The following MIR17HG variants were observed in gnomAD, a reference collection of about 807,000 sequenced individuals.
MIR17HG encodes the protein MIR17 host gene (non-protein coding).
At chr13:91,348,586 C>T (rs1242905471) in intron 1 of MIR17HG, among the ~76,000 whole-genome samples, 1 of 151,144 alleles carries the variant, frequency 6.6e-6, no homozygotes, top group Non-Finnish European at 1.5e-5. Context: ...GGCGCCACCC[C>T]CGCTCCGCGT....
At chr13:91,349,016 G>A (rs1444542861) in intron 1 of MIR17HG, among the ~76,000 whole-genome samples, 6 of 150,978 alleles carry the variant, frequency 4.0e-5, no homozygotes, top group Non-Finnish European at 7.4e-5. Flanking sequence ...GGCTGCCGCC[G>A]GGAAACGGGT....
chr13:91,354,558 A>G (rs1475170472), exon 4 of MIR17HG: 2 of 152,198 alleles, frequency 1.3e-5, no homozygotes, highest in Non-Finnish European at 2.9e-5. Context: ...GAGAATATTG[A>G]AATAAAAACT....
intron 2 of MIR17HG, chr13:91,349,958 G>GT (rs1298799842): frequency 6.6e-6 from 1 of 152,222 alleles, no homozygotes; most frequent in Admixed American, 6.5e-5. Flanking sequence ...AAATTACAGT[G>GT]TAAATATTCC....
chr13:91,348,114 G>A (rs936970388), intron 1 of MIR17HG, among the ~76,000 whole-genome samples: 3 of 144,704 alleles, frequency 2.1e-5, no homozygotes, highest in Non-Finnish European at 4.6e-5. Flanking sequence ...CCGCCCCGGC[G>A]TGTGGCAGCC....
At chr13:91,351,085 G>A (rs1472771133) in intron 3 of MIR17HG, 1 of 523,986 alleles carries the variant, frequency 1.9e-6, no homozygotes. Context: ...AGTGCTTATA[G>A]TGCAGGTAGT....
intron 3 of MIR17HG, chr13:91,351,821 T>C (rs1875330037): frequency 1.2e-5 from 2 of 160,540 alleles, no homozygotes; most frequent in South Asian, 3.4e-4. Flanking sequence ...AAAGATGAGT[T>C]TTTTTAAGCA....
intron 3 of MIR17HG, chr13:91,350,822 T>C (rs1875270710): frequency 1.9e-6 from 1 of 534,702 alleles, no homozygotes; most frequent in African/African-American, 1.9e-5. Flanking sequence ...CCTTCTGGCA[T>C]AAGAAGTTAT....
chr13:91,351,599 T>C, intron 3 of MIR17HG: 1 of 319,106 alleles, frequency 3.1e-6, no homozygotes, highest in Non-Finnish European at 6.4e-6. Flanking sequence ...TTTTTTGTTG[T>C]TAGATTTATT....
At position 91,353,286 on chromosome 13, in the gene MIR17HG, A is replaced by G. The variant is rs565334464; in HGVS notation, n.285-647A>G. Reference sequence around the variant, plus strand: ...CTAAAATGTAAGTCAAATATGTTTTAATAACAAAGACTTAAATGGCTTTTC... The same window carrying G: ...CTAAAATGTAAGTCAAATATGTTTTGATAACAAAGACTTAAATGGCTTTTC... On this transcript the variant is annotated intron_variant and non_coding_transcript_variant, in intron 3 of 3. Transcript: ENST00000400282. 5.0e-4 allele frequency among the ~76,000 whole-genome samples: 76 copies of G among 152,320 alleles called. 1 individual carries two copies. In the Middle Eastern group the frequency reaches 0.01, roughly 20 times the overall value.
chr13:91,351,041 GGTCTATCT>G (rs1875287471), intron 3 of MIR17HG: 1 of 526,634 alleles, frequency 1.9e-6, no homozygotes, highest in Non-Finnish European at 3.9e-6. Flanking sequence ...GAATCTGCCT[GGTCTATCT>G]GATGTGACAG....
chr13:91,350,452 ATAAT>A, intron 3 of MIR17HG: 4 of 383,768 alleles, frequency 1.0e-5, no homozygotes, highest in South Asian at 2.0e-5. Flanking sequence ...TATCTTTGAG[ATAAT>A]TAAACTAATT....
intron 3 of MIR17HG, chr13:91,350,579 C>G (rs755630848): frequency 1.9e-6 from 1 of 533,648 alleles, no homozygotes; most frequent in South Asian, 1.4e-5. Context: ...GAGAACATCA[C>G]CTTGTAAAAC....
intron 3 of MIR17HG, chr13:91,351,239 T>C (rs759942548): frequency 7.7e-5 from 41 of 530,834 alleles, no homozygotes; most frequent in Non-Finnish European, 3.9e-5. Context: ...CTGTGTGATA[T>C]TCTGCTGTGC....
At chr13:91,351,441 C>T (rs190933807) in intron 3 of MIR17HG, 14 of 498,296 alleles carry the variant, frequency 2.8e-5, no homozygotes, top group East Asian at 1.7e-4. Context: ...CTGAAGATTT[C>T]GACTTCCACT....
chr13:91,352,428 T>A (rs1165609907), intron 3 of MIR17HG: 1 of 152,132 alleles, frequency 6.6e-6, no homozygotes, highest in East Asian at 1.9e-4. Flanking sequence ...GAAAGATAAG[T>A]TTTGAGAAAT....
chr13:91,350,272 C>T (rs867100290), intron 3 of MIR17HG: 6 of 195,454 alleles, frequency 3.1e-5, no homozygotes, highest in Admixed American at 1.6e-4. Context: ...AATTAGTTCT[C>T]ATTTATTTGC....
At chr13:91,348,932 T>TG (rs1209264663) in intron 1 of MIR17HG, among the ~76,000 whole-genome samples, 2 of 146,776 alleles carry the variant, frequency 1.4e-5, no homozygotes, top group African/African-American at 2.5e-5. Flanking sequence ...TCGGGGGGGC[T>TG]GGGGGACACA....
Position 91,348,561 on chromosome 13 carries a change from G to T in MIR17HG, n.140+602G>T, listed in dbSNP as rs546979327. Reference sequence around the variant, plus strand: ...GCGAGGGTGGGCGGAGGGGCGCCGAGATCGGCGCGGCCTGGGCGCCACCCC... The same window carrying T: ...GCGAGGGTGGGCGGAGGGGCGCCGATATCGGCGCGGCCTGGGCGCCACCCC... On this transcript the variant is annotated intron_variant and non_coding_transcript_variant, in intron 1 of 3. Coordinates refer to ENST00000400282, the Ensembl canonical transcript of MIR17HG. Among the ~76,000 whole-genome samples, 105 of 151,372 alleles carry T rather than the reference G, an allele frequency of 6.9e-4. 1 individual carries two copies. Among genetic ancestry groups the T allele is most frequent in the African/African-American group, 2.5e-3 (104 of 41,438 alleles).
Position 91,350,775 on chromosome 13 carries a change from A to T in MIR17HG, n.284+549A>T, listed in dbSNP as rs774322884. ...TTGTTCTAAGGTGCATCTAGTGCAG[A>T]TAGTGAAGTAGATTAGCATCTACTG... is the stretch of plus-strand genomic sequence containing the variant. On this transcript the variant is annotated intron_variant and non_coding_transcript_variant, in intron 3 of 3. Transcript: ENST00000400282. 9 of 534,650 alleles carry T rather than the reference A, an allele frequency of 1.7e-5. No homozygotes were observed. The Admixed American group carries it at 1.7e-4, about 10-fold the overall frequency. The allele number at this position is 534,650 out of a possible 1,614,324, so 33.1% of individuals were successfully genotyped here. A position where few individuals can be genotyped will look rare whatever the true frequency, so the allele number is the denominator to read the frequency against.
Sources: allele counts gnomAD v4.1 joint callset (sites outside exome capture counted in the v4.1 genomes callset), GRCh38; gene constraint gnomAD v4.1.1; transcripts MANE v1.5; gene names NCBI Gene and HGNC (gene_info 2026-07-23, HGNC 2026-07-21).